HAUS7: variants seen among roughly 807,000 people sequenced by gnomAD.
HAUS7 encodes the protein HAUS augmin-like complex subunit 7.
In HAUS7, 3 loss-of-function variants were observed where a neutral mutation model predicts 28.4. The ratio of observed to expected loss-of-function variants is 0.11; its 90% CI spans 0.05 to 0.27. The LOEUF (loss-of-function observed/expected upper bound fraction) is 0.27. Ranked by LOEUF, HAUS7 falls within the 10% of genes least tolerant of loss-of-function variation. HAUS7 has a pLI of 1.00. For missense variants in HAUS7, 284 were observed against 297.3 expected (o/e 0.96, Z 0.33); for synonymous variants, 165 against 132.1 (o/e 1.25, Z -1.71).
chrX:153,454,538 G>C, intron 8 of HAUS7, 30 bp from the exon 9 acceptor site: 1 of 315,404 alleles, frequency 3.2e-6, no homozygotes. Context: ...GGGAGGGAGG[G>C]AGGGAGGGAG....
chrX:153,455,749 C>T lies in HAUS7; in HGVS notation c.723G>A (p.Glu241=). ...ALRTEYFAQH[E]QGAAAGAADI... is the part of the protein sequence containing the mutation. ...CGGCTGCGCCCGCAGCAGCCCCTTG[C>T]TCATGCTGTGCAAAGTACTGCAAAG... The change falls in exon 8 of 10, where the codon GAG becomes GAA. Residue 241 remains glutamate (E), a synonymous_variant. Coordinates refer to ENST00000370211, the MANE Select transcript of HAUS7 (RefSeq NM_001385482.1). The T allele has an allele frequency of 1.7e-6, 2 of 1,192,363 alleles. No individual in the cohort carries two copies. The highest frequency in any genetic ancestry group is 2.3e-6 in the Non-Finnish European group (2 of 879,601).
chrX:153,489,258 C>T (rs1233997136), intron 1 of HAUS7, among the ~76,000 whole-genome samples: 4 of 112,416 alleles, frequency 3.6e-5, no homozygotes, highest in Admixed American at 9.3e-5. Context: ...GCTGGCACCA[C>T]GAGGGAATCT....
intron 1 of HAUS7, among the ~76,000 whole-genome samples, chrX:153,494,613 T>C (rs938244289): frequency 1.8e-5 from 2 of 111,381 alleles, no homozygotes; most frequent in African/African-American, 3.3e-5. Flanking sequence ...CTCTTTCCTC[T>C]GCCTGGCGAG....
chrX:153,471,786 C>T (rs1485369420), upstream of HAUS7, among the ~76,000 whole-genome samples: 1 of 111,781 alleles, frequency 8.9e-6, no homozygotes, highest in Non-Finnish European at 1.9e-5. Context: ...GAGGAGGGAG[C>T]GGGCAGGAGT....
At chrX:153,481,972 T>G in intron 1 of HAUS7, 20 of 561,304 alleles carry the variant, frequency 3.6e-5, no homozygotes, top group African/African-American at 5.0e-5. Flanking sequence ...GGGCTGGGGC[T>G]GGGGCTGGCA....
chrX:153,485,879 C>T, intron 1 of HAUS7: 32 of 923,619 alleles, frequency 3.5e-5, no homozygotes, highest in Non-Finnish European at 4.4e-5. Context: ...CGAGCGCATC[C>T]CTGGCTACGC....
chrX:153,478,596 T>C (rs1556986728), intron 1 of HAUS7, among the ~76,000 whole-genome samples: 1 of 112,095 alleles, frequency 8.9e-6, no homozygotes, highest in Non-Finnish European at 1.9e-5. Flanking sequence ...GAACGTCAAC[T>C]CTGCCCCCTA....
Position 153,462,681 on chromosome X carries a change from C to T in HAUS7, c.293-10G>A, listed in dbSNP as rs201843043. The T allele has an allele frequency of 5.6e-5, 67 of 1,187,054 alleles. No individual in the cohort carries two copies. Among genetic ancestry groups the T allele is most frequent in the African/African-American group, 4.2e-4 (24 of 57,256 alleles). ...CCCAGCTTCGTCATTTCTGTTGAAA[C>T]ACAAAGAGCCCATCATGGCAGGCAC... On this transcript the variant is annotated splice_polypyrimidine_tract_variant and intron_variant, in intron 3 of 9. Transcript: ENST00000370211.
rs781795036 is a variant in HAUS7, at chrX:153,465,075, C to T, written c.225-20G>A. On this transcript the variant is annotated intron_variant, in intron 2 of 9. Coordinates refer to ENST00000370211, the MANE Select transcript of HAUS7 (RefSeq NM_001385482.1). ...CAGACCCTGCAGGGAAACAGCAGAG[C>T]TGGTCAGGCCGGAGACAGCCAGAGA... 7.9e-6 allele frequency: 9 copies of T among 1,134,993 alleles called. No individual in the cohort carries two copies. In the South Asian group the frequency reaches 1.5e-4, roughly 18 times the overall value. 93.5% of individuals were successfully genotyped at this position (1,134,993 alleles called of 1,213,427 possible). A position where few individuals can be genotyped will look rare whatever the true frequency, so the allele number is the denominator to read the frequency against.
intron 3 of HAUS7, 150 bp downstream of exon 3, chrX:153,464,838 A>G (rs1245318015): frequency 2.0e-6 from 1 of 494,924 alleles, no homozygotes; most frequent in African/African-American, 2.4e-5. Flanking sequence ...CCCACCTGCC[A>G]TGCCTAGGGA....
intron 1 of HAUS7, chrX:153,486,702 G>A (rs1556988629): frequency 4.1e-6 from 4 of 982,940 alleles, no homozygotes; most frequent in Non-Finnish European, 5.3e-6. Context: ...CACACCTGGA[G>A]AACAACCTCA....
intron 2 of HAUS7, among the ~76,000 whole-genome samples, chrX:153,467,927 A>G (rs929479562): frequency 8.9e-6 from 1 of 112,306 alleles, no homozygotes; most frequent in South Asian, 3.7e-4. Flanking sequence ...AGGAGACAGG[A>G]CGTGTGAGTT....
chrX:153,468,828 G>A (rs2089485262), intron 2 of HAUS7, among the ~76,000 whole-genome samples: 1 of 112,855 alleles, frequency 8.9e-6, no homozygotes, highest in African/African-American at 3.2e-5. Context: ...CTGGAATGGA[G>A]CATTTCTCAG....
At chrX:153,465,312 CAAAA>C (rs72146941) in intron 2 of HAUS7, among the ~76,000 whole-genome samples, 3 of 57,188 alleles carry the variant, frequency 5.2e-5, no homozygotes, top group Non-Finnish European at 9.5e-5. Flanking sequence ...TTCTCAAGAC[CAAAA>C]AAAAAAAAAA....
At chrX:153,469,040 GGGA>G in intron 2 of HAUS7, 103 bp downstream of exon 2, 2 of 512,793 alleles carry the variant, frequency 3.9e-6, no homozygotes, top group Non-Finnish European at 7.0e-6. Flanking sequence ...GGAGCCCTCT[GGGA>G]AGACAGCTAC....
intron 9 of HAUS7, among the ~76,000 whole-genome samples, chrX:153,451,764 T>A (rs896803161): frequency 7.1e-5 from 8 of 112,108 alleles, no homozygotes; most frequent in Admixed American, 1.9e-4. Context: ...TGGAAAGCTC[T>A]GGCACAGTCC....
intron 5 of HAUS7, 188 bp from the exon 6 acceptor site, chrX:153,456,839 C>T (rs1468923654): frequency 4.5e-6 from 2 of 445,839 alleles, no homozygotes; most frequent in African/African-American, 4.9e-5. Context: ...CCTACCTACC[C>T]ACCCATGGAG....
chrX:153,487,205 G>A (rs1050342655), intron 1 of HAUS7: 18 of 189,915 alleles, frequency 9.5e-5, no homozygotes, highest in Admixed American at 2.1e-4. Context: ...GCCTCACCAG[G>A]GTCCTGAAGT....
intron 9 of HAUS7, among the ~76,000 whole-genome samples, chrX:153,451,619 G>T (rs2089240616): frequency 8.9e-6 from 1 of 112,192 alleles, no homozygotes; most frequent in African/African-American, 3.2e-5. Context: ...ACTACTTGGG[G>T]GTGCAACAGT....
Sources: allele counts gnomAD v4.1 joint callset (sites outside exome capture counted in the v4.1 genomes callset), GRCh38; gene constraint gnomAD v4.1.1; transcripts MANE v1.5; gene names NCBI Gene and HGNC (gene_info 2026-07-23, HGNC 2026-07-21).